CTIF: variants seen among roughly 807,000 people sequenced by gnomAD.
CTIF encodes CBP80/20-dependent translation initiation factor.
Under a neutral mutation model 66.0 loss-of-function variants are expected in CTIF, and 21 were observed. The observed-to-expected ratio is 0.32, with a 90% CI of 0.23 to 0.46. The LOEUF (loss-of-function observed/expected upper bound fraction) is 0.46. CTIF is among the 20% of genes least tolerant of loss of function. CTIF has a pLI of 1.00. For synonymous variants in CTIF, 345 were observed against 326.4 expected (o/e 1.06, Z -0.62); for missense variants, 739 against 812.7 (o/e 0.91, Z 1.10).
intron 1 of CTIF, among the ~76,000 whole-genome samples, chr18:48,597,976 A>G (rs929456962): frequency 6.6e-6 from 1 of 152,100 alleles, no homozygotes; most frequent in Non-Finnish European, 1.5e-5. Context: ...AGCAGGGCCT[A>G]GGATGGAGCC....
At chr18:48,649,524 C>T (rs893492315) in intron 3 of CTIF, among the ~76,000 whole-genome samples, 3 of 152,182 alleles carry the variant, frequency 2.0e-5, no homozygotes, top group Admixed American at 6.5e-5. Context: ...CTGGGGGCAG[C>T]GCATAGCTGA....
At chr18:48,701,445 G>T (rs1352860172) in intron 6 of CTIF, among the ~76,000 whole-genome samples, 2 of 152,068 alleles carry the variant, frequency 1.3e-5, no homozygotes, top group Admixed American at 6.5e-5. Context: ...TCTTTCCTGG[G>T]TTCATGACCT....
intron 9 of CTIF, among the ~76,000 whole-genome samples, chr18:48,811,708 G>T (rs541758696): frequency 4.6e-5 from 7 of 152,288 alleles, no homozygotes; most frequent in South Asian, 2.1e-4. Context: ...TGTGCTGAGG[G>T]TTCATTCACG....
At chr18:48,595,084 T>C (rs2089966035) in intron 1 of CTIF, among the ~76,000 whole-genome samples, 1 of 152,172 alleles carries the variant, frequency 6.6e-6, no homozygotes, top group Non-Finnish European at 1.5e-5. Flanking sequence ...CAAGTCACAA[T>C]GAACAAAAGA....
intron 7 of CTIF, among the ~76,000 whole-genome samples, chr18:48,728,595 A>G (rs1229416614): frequency 6.6e-6 from 1 of 152,138 alleles, no homozygotes; most frequent in Non-Finnish European, 1.5e-5. Flanking sequence ...TGGAAGAGCC[A>G]CTTCCCAGCT....
chr18:48,584,523 G>A (rs911998331), intron 1 of CTIF, among the ~76,000 whole-genome samples: 8 of 152,186 alleles, frequency 5.3e-5, no homozygotes, highest in Non-Finnish European at 1.0e-4. Context: ...AGCTAGGACA[G>A]AGTCCAAGAA....
Position 48,859,593 on chromosome 18 carries a change from G to T in CTIF, c.*34G>T. ...GGGCCTGGCAGGCGGCCCACGGGCAGCTGGGGCCCTGGTGCACAGGGCCAG... is the reference window on the plus strand; with the variant it reads ...GGGCCTGGCAGGCGGCCCACGGGCATCTGGGGCCCTGGTGCACAGGGCCAG... On this transcript the variant is annotated 3_prime_UTR_variant, in exon 12 of 12. Coordinates refer to ENST00000256413, the MANE Select transcript of CTIF (RefSeq NM_014772.3). 1.2e-6 allele frequency: 2 copies of T among 1,600,492 alleles called. No homozygotes were observed. The highest frequency in any genetic ancestry group is 1.7e-6 in the Non-Finnish European group (2 of 1,168,144).
intron 1 of CTIF, among the ~76,000 whole-genome samples, chr18:48,580,901 G>A (rs149197945): frequency 8.0e-4 from 122 of 152,360 alleles, no homozygotes; most frequent in African/African-American, 2.4e-3. Context: ...GGGGGCACGG[G>A]ATTGGATATC....
chr18:48,824,424 C>T (rs976328571), intron 10 of CTIF, among the ~76,000 whole-genome samples: 1 of 152,126 alleles, frequency 6.6e-6, no homozygotes, highest in Non-Finnish European at 1.5e-5. Flanking sequence ...ACATGCCAGG[C>T]TGTGGGTCTG....
intron 9 of CTIF, among the ~76,000 whole-genome samples, chr18:48,799,871 A>G (rs61214376): frequency 0.15 from 22,520 of 152,232 alleles, 1,687 homozygotes; most frequent in Middle Eastern, 0.22. Context: ...AGAACTTGCA[A>G]TCCGAGTGGG....
At chr18:48,770,822 C>T (rs1237311627) in intron 9 of CTIF, among the ~76,000 whole-genome samples, 1 of 152,196 alleles carries the variant, frequency 6.6e-6, no homozygotes, top group Non-Finnish European at 1.5e-5. Flanking sequence ...TGTGGTAGAG[C>T]TTAAATGAGG....
At chr18:48,658,913 C>A (rs965590732) in intron 3 of CTIF, among the ~76,000 whole-genome samples, 1 of 152,134 alleles carries the variant, frequency 6.6e-6, no homozygotes, top group African/African-American at 2.4e-5. Context: ...TCCTGGTTGT[C>A]CAGTTTAGCT....
chr18:48,709,269 C>G (rs143718595), intron 6 of CTIF, among the ~76,000 whole-genome samples: 4 of 152,350 alleles, frequency 2.6e-5, no homozygotes, highest in Admixed American at 2.6e-4. Context: ...TATACACATA[C>G]ACTACATAGA....
At chr18:48,553,941 A>G (rs981037202) in intron 1 of CTIF, among the ~76,000 whole-genome samples, 3 of 152,056 alleles carry the variant, frequency 2.0e-5, no homozygotes, top group Non-Finnish European at 4.4e-5. Flanking sequence ...GATTACAGGC[A>G]TGAGCCACAA....
intron 3 of CTIF, among the ~76,000 whole-genome samples, chr18:48,655,030 A>T (rs2091222105): frequency 6.6e-6 from 1 of 152,152 alleles, no homozygotes; most frequent in African/African-American, 2.4e-5. Context: ...GTAAATGACG[A>T]GTTAATGGGT....
At chr18:48,620,727 C>T (rs930667119) in intron 2 of CTIF, among the ~76,000 whole-genome samples, 2 of 152,224 alleles carry the variant, frequency 1.3e-5, no homozygotes, top group Non-Finnish European at 2.9e-5. Flanking sequence ...CGTGTTATCC[C>T]ATCTCCAAGC....
At chr18:48,676,584 GC>G (rs1252362341) in intron 6 of CTIF, among the ~76,000 whole-genome samples, 1 of 152,108 alleles carries the variant, frequency 6.6e-6, no homozygotes, top group Non-Finnish European at 1.5e-5. Flanking sequence ...TGTGAAAGGG[GC>G]TTAGTGCCCA....
At chr18:48,724,105 T>C (rs1206220497) in intron 7 of CTIF, among the ~76,000 whole-genome samples, 2 of 152,206 alleles carry the variant, frequency 1.3e-5, no homozygotes, top group East Asian at 3.9e-4. Flanking sequence ...TCTAAGCACC[T>C]GCAGGGATTT....
chr18:48,582,471 G>A (rs1334693675), intron 1 of CTIF, among the ~76,000 whole-genome samples: 1 of 152,096 alleles, frequency 6.6e-6, no homozygotes, highest in Admixed American at 6.5e-5. Context: ...TGCACATGAG[G>A]GCGTCTTTGT....
Sources: gnomAD v4.1 joint callset for allele counts (sites outside exome capture counted in the v4.1 genomes callset) on GRCh38, gnomAD v4.1.1 for gene constraint, MANE v1.5 for transcripts, NCBI Gene and HGNC (gene_info 2026-07-23, HGNC 2026-07-21) for gene names.